The following KCNQ2 variants were observed in gnomAD, a reference collection of about 807,000 sequenced individuals.
KCNQ2 encodes the protein potassium voltage-gated channel subfamily Q member 2.
In KCNQ2, 14 loss-of-function variants were observed where a neutral mutation model predicts 84.8. The ratio of observed to expected loss-of-function variants is 0.17; its 90% CI spans 0.11 to 0.26. The LOEUF (loss-of-function observed/expected upper bound fraction) is 0.26. Ranked by LOEUF, KCNQ2 falls within the 10% of genes least tolerant of loss-of-function variation. KCNQ2 has a pLI of 1.00. For synonymous variants in KCNQ2, 599 were observed against 554.1 expected (o/e 1.08, Z -1.14); for missense variants, 788 against 1,254.0 (o/e 0.63, Z 5.61).
At chr20:63,415,761 G>T (rs879283377) in intron 12 of KCNQ2, among the ~76,000 whole-genome samples, 1 of 152,156 alleles carries the variant, frequency 6.6e-6, no homozygotes, top group Non-Finnish European at 1.5e-5. Context: ...AAACACCGGG[G>T]CTGTGGCTCT....
intron 4 of KCNQ2, chr20:63,443,846 C>T (rs1383036807): frequency 6.6e-6 from 1 of 152,184 alleles, no homozygotes; most frequent in Non-Finnish European, 1.5e-5. Flanking sequence ...AACAGTGGCT[C>T]GCACGGCCAG....
chr20:63,433,780 G>C, intron 8 of KCNQ2, 29 bp downstream of exon 8: 1 of 1,613,862 alleles, frequency 6.2e-7, no homozygotes. Flanking sequence ...TGAAACAGTT[G>C]CTTGGTGGCA....
rs932973924 is a variant in KCNQ2 at position 63,434,147 on chromosome 20, G to T, written c.1024-244C>A. On this transcript the variant is annotated intron_variant, in intron 7 of 16. Coordinates refer to ENST00000359125, the MANE Select transcript of KCNQ2 (RefSeq NM_172107.4). ...GGGCCTGAAGGAGGGGAGCGGTTGG[G>T]GCTTGACTCGGGGCCCTGAGCGAGC... The T allele has an allele frequency of 5.9e-5, 32 of 546,010 alleles. No individual in the cohort carries two copies. The South Asian group carries it at 7.6e-4, about 13-fold the overall frequency. The allele number at this position is 546,010 out of a possible 1,614,324, so 33.8% of individuals were successfully genotyped here. A position where few individuals can be genotyped will look rare whatever the true frequency, so the allele number is the denominator to read the frequency against.
intron 11 of KCNQ2, among the ~76,000 whole-genome samples, chr20:63,421,912 G>A (rs1385324605): frequency 6.6e-6 from 1 of 152,136 alleles, no homozygotes; most frequent in Non-Finnish European, 1.5e-5. Flanking sequence ...TCTGACTCCA[G>A]CACAGCCCCA....
intron 7 of KCNQ2, chr20:63,434,335 G>A (rs2080923968): frequency 5.2e-6 from 1 of 193,196 alleles, no homozygotes; most frequent in Non-Finnish European, 1.0e-5. Context: ...CAACCTCCCA[G>A]GGCGGGGACT....
chr20:63,428,993 G>A (rs1033623649), intron 9 of KCNQ2, among the ~76,000 whole-genome samples: 3 of 152,030 alleles, frequency 2.0e-5, no homozygotes, highest in Non-Finnish European at 4.4e-5. Context: ...ATCCTCCGCA[G>A]GTGGCCCAGC....
intron 1 of KCNQ2, among the ~76,000 whole-genome samples, chr20:63,457,638 T>A (rs1369114502): frequency 6.6e-6 from 1 of 151,800 alleles, no homozygotes; most frequent in Non-Finnish European, 1.5e-5. Flanking sequence ...GGAACAGGAG[T>A]GGAGGAGCTG....
chr20:63,457,775 C>G, intron 1 of KCNQ2, among the ~76,000 whole-genome samples: 1 of 152,246 alleles, frequency 6.6e-6, no homozygotes. Flanking sequence ...GGGCCTTCGC[C>G]CCGGCCCAGA....
In KCNQ2 at chr20:63,414,672, AGGT is replaced by A. The variant is rs1306152157; in HGVS notation, c.1525+228_1525+230del. On this transcript the variant is annotated intron_variant, in intron 13 of 16. Transcript: ENST00000359125. This position sits in a 1 kb window ranked among gnomAD's most constrained non-coding sequence, Gnocchi z 6.6. The stretch of plus-strand genomic sequence containing the variant: ...ATGAGAATGTTCTGGAACTAGGCTG[AGGT>A]GGTGGTGACAACTCCACCGTGAGCG... Among the ~76,000 whole-genome samples, 2 of 151,582 alleles carry A rather than the reference AGGT, an allele frequency of 1.3e-5. No individual in the cohort carries two copies. Among genetic ancestry groups the A allele is most frequent in the African/African-American group, 4.8e-5 (2 of 41,262 alleles).
intron 8 of KCNQ2, 73 bp downstream of exon 8, chr20:63,433,736 A>C: frequency 1.2e-6 from 2 of 1,611,124 alleles, no homozygotes. Context: ...GAACAACAAA[A>C]AGTGGGGTTT....
chr20:63,465,050 TG>T (rs1162180883), intron 1 of KCNQ2, among the ~76,000 whole-genome samples: 2 of 152,318 alleles, frequency 1.3e-5, no homozygotes, highest in East Asian at 3.9e-4. Flanking sequence ...AAGCTCTCAC[TG>T]GGAAACCTCT....
intron 1 of KCNQ2, chr20:63,471,254 AG>A (rs2082207169): frequency 6.6e-6 from 1 of 152,282 alleles, no homozygotes; most frequent in Non-Finnish European, 1.5e-5. Context: ...TGGCGCGGGG[AG>A]GCTGTGCACA....
At chr20:63,454,733 G>T (rs1330766646) in intron 1 of KCNQ2, among the ~76,000 whole-genome samples, 1 of 152,262 alleles carries the variant, frequency 6.6e-6, no homozygotes, top group Non-Finnish European at 1.5e-5. Flanking sequence ...CCAGGGGAGG[G>T]AGAGGGCGGC....
At chr20:63,440,112 G>C (rs1354755071) in intron 5 of KCNQ2, among the ~76,000 whole-genome samples, 1 of 152,220 alleles carries the variant, frequency 6.6e-6, no homozygotes. Context: ...CGCTGAGCCT[G>C]AGCTGAGCTG....
chr20:63,472,128 C>G (rs970770405), intron 1 of KCNQ2, 40 bp downstream of exon 1: 8 of 1,406,658 alleles, frequency 5.7e-6, no homozygotes, highest in Non-Finnish European at 6.6e-6. Context: ...CGATGGGGGT[C>G]GCCATGGGGG....
chr20:63,447,838 G>A (rs2081480005), intron 1 of KCNQ2, among the ~76,000 whole-genome samples: 1 of 152,090 alleles, frequency 6.6e-6, no homozygotes, highest in Non-Finnish European at 1.5e-5. Context: ...CTCAAGTGAT[G>A]CTCCCGCCTC....
Position 63,406,943 on chromosome 20 carries a change from A to G in KCNQ2, c.2320T>C (p.Cys774Arg). 6.3e-7 allele frequency: 1 copy of G among 1,589,100 alleles called. No individual in the cohort carries two copies. Among genetic ancestry groups the G allele is most frequent in the Non-Finnish European group, 8.5e-7 (1 of 1,171,110 alleles). Reference protein sequence around the residue: ...EFLRQEDTPGCRPPEGNLRDS... With the variant: ...EFLRQEDTPGRRPPEGNLRDS... Reference sequence around the variant, plus strand: ...CGCAGGTTCCCCTCGGGGGGCCTGCAGCCCGGGGTGTCCTCCTGCCGCAGG... The same window carrying G: ...CGCAGGTTCCCCTCGGGGGGCCTGCGGCCCGGGGTGTCCTCCTGCCGCAGG... Residue 774 changes from cysteine (C) to arginine (R), a missense_variant, in exon 17 of 17, where the codon TGC (cysteine) becomes CGC (arginine). By Grantham distance (180) the Cys-to-Arg change is radical. Coordinates refer to ENST00000359125, the MANE Select transcript of KCNQ2 (RefSeq NM_172107.4).
At position 63,408,443 on chromosome 20, in the gene KCNQ2, C is replaced by A; in HGVS notation, c.1857G>T (p.Met619Ile). 6.2e-7 allele frequency: 1 copy of A among 1,609,506 alleles called. No homozygotes were observed. Among genetic ancestry groups the A allele is most frequent in the Non-Finnish European group, 8.5e-7 (1 of 1,179,166 alleles). Residue 619 changes from methionine (M) to isoleucine (I), a missense_variant, in exon 16 of 17, where the codon ATG becomes ATT. Physicochemically the swap from Met to Ile is conservative, Grantham distance 10 (BLOSUM62 1). Transcript: ENST00000359125. The surrounding 1 kb of genome is among the most constrained non-coding windows in gnomAD (Gnocchi z 5.0). ...AEAELPEDPS[M>I]MGRLGKVEKQ... ...TCTCCACCTTCCCGAGCCGTCCCAT[C>A]ATGCTGGGGTCCTCGGGCAGCTCCG... is the stretch of plus-strand genomic sequence containing the variant.
Position 63,438,503 on chromosome 20 carries a change from A to T in KCNQ2, c.1023+122T>A. 1 of 815,204 alleles carries T rather than the reference A, an allele frequency of 1.2e-6. No individual in the cohort carries two copies. The highest frequency in any genetic ancestry group is 2.1e-6 in the Non-Finnish European group (1 of 470,402). 50.5% of individuals were successfully genotyped at this position (815,204 alleles called of 1,614,324 possible). On this transcript the variant is annotated intron_variant, in intron 7 of 16. Coordinates refer to ENST00000359125, the MANE Select transcript of KCNQ2 (RefSeq NM_172107.4). This position sits in a 1 kb window ranked among gnomAD's most constrained non-coding sequence, Gnocchi z 5.1. The stretch of plus-strand genomic sequence containing the variant: ...TCGCTCCTTCCACAGATTCCTGCAG[A>T]GGGTGAGCGCTGTGGCCCATCCACA...
Sources: allele counts gnomAD v4.1 joint callset (sites outside exome capture counted in the v4.1 genomes callset), GRCh38; gene constraint gnomAD v4.1.1; non-coding constraint Gnocchi (gnomAD v3.1); transcripts MANE v1.5; gene names NCBI Gene and HGNC (gene_info 2026-07-23, HGNC 2026-07-21).